GAPDHS: variants seen among roughly 807,000 people sequenced by gnomAD.
The protein encoded by GAPDHS is glyceraldehyde-3-phosphate dehydrogenase, spermatogenic.
GAPDHS carries 42 observed loss-of-function variants against 48.7 expected under a neutral mutation model. The ratio of observed to expected loss-of-function variants is 0.86; its 90% CI spans 0.67 to 1.12. GAPDHS has a LOEUF of 1.12. Ranked by LOEUF, GAPDHS falls within the 50% of genes most tolerant of loss-of-function variation. GAPDHS has a pLI of 0.00. For synonymous variants in GAPDHS, 166 were observed against 219.1 expected (o/e 0.76, Z 2.14); for missense variants, 512 against 557.7 (o/e 0.92, Z 0.82).
At chr19:35,543,189 G>A (rs920965037) in intron 7 of GAPDHS, 151 bp from the exon 8 acceptor site, 6 of 1,073,674 alleles carry the variant, frequency 5.6e-6, no homozygotes, top group Non-Finnish European at 8.5e-6. Context: ...CTCAGGCAAG[G>A]CTGGACCCTG....
At chr19:35,537,724 A>T (rs1474216910) in intron 2 of GAPDHS, among the ~76,000 whole-genome samples, 1 of 152,054 alleles carries the variant, frequency 6.6e-6, no homozygotes, top group Non-Finnish European at 1.5e-5. Context: ...TACAGAAAAA[A>T]ATTGTTTTAA....
Position 35,543,577 on chromosome 19 carries a change from C to G in GAPDHS, c.893+86C>G, listed in dbSNP as rs1789498559. 27 of 1,573,378 alleles carry G rather than the reference C, an allele frequency of 1.7e-5. No homozygotes were observed. The South Asian group carries it at 3.1e-4, about 18-fold the overall frequency. On this transcript the variant is annotated intron_variant, in intron 8 of 10. Coordinates refer to ENST00000222286, the MANE Select transcript of GAPDHS (RefSeq NM_014364.5). ...CGGCCCTCAGTCCTTAAGAGGAAAGCAGGGGCCTGGCCCAGCCACAGGGAA... is the reference window on the plus strand; with the variant it reads ...CGGCCCTCAGTCCTTAAGAGGAAAGGAGGGGCCTGGCCCAGCCACAGGGAA...
intron 10 of GAPDHS, 34 bp downstream of exon 10, chr19:35,545,040 G>C: frequency 6.2e-7 from 1 of 1,602,246 alleles, no homozygotes; most frequent in Non-Finnish European, 8.6e-7. Context: ...TTAGAGGGAG[G>C]GGAACTAAGG....
intron 1 of GAPDHS, among the ~76,000 whole-genome samples, chr19:35,535,731 C>T (rs1262233510): frequency 6.6e-6 from 1 of 151,020 alleles, no homozygotes; most frequent in Non-Finnish European, 1.5e-5. Flanking sequence ...CCATACAGAC[C>T]CACTGAGTCC....
chr19:35,538,223 A>G, intron 2 of GAPDHS, 84 bp from the exon 3 acceptor site: 1 of 914,946 alleles, frequency 1.1e-6, no homozygotes, highest in South Asian at 1.5e-5. Context: ...CCCCTGGATT[A>G]AGGATTCCCA....
intron 4 of GAPDHS, among the ~76,000 whole-genome samples, chr19:35,539,672 T>C (rs1230735804): frequency 1.3e-5 from 2 of 151,940 alleles, no homozygotes; most frequent in African/African-American, 2.4e-5. Flanking sequence ...GCCCTTCTCC[T>C]TGTACTTACT....
In GAPDHS at chr19:35,543,033, T is replaced by G; in HGVS notation, c.741+7T>G. On this transcript the variant is annotated splice_region_variant and intron_variant, in intron 7 of 10. Transcript: ENST00000222286. ...GATCGTGGAAGGGTTGATGGTGAGT[T>G]GAGGATGAGGGGCTGGGGCAGGAAG... 1 of 1,600,710 alleles carries G rather than the reference T, an allele frequency of 6.2e-7. No homozygotes were observed. Among genetic ancestry groups the G allele is most frequent in the Non-Finnish European group, 8.6e-7 (1 of 1,167,842 alleles).
Position 35,542,996 on chromosome 19 carries a change from C to T in GAPDHS, c.711C>T (p.His237=), listed in dbSNP as rs150080896. The change falls in exon 7 of 11, where the codon CAC becomes CAT. Residue 237 remains histidine, a synonymous_variant. Transcript: ENST00000222286. ...NCLAPLAKVI[H]ERFGIVEGLM... ...TGGCTCCCCTCGCCAAAGTCATCCA[C>T]GAGCGATTTGGGATCGTGGAAGGGT... The T allele has an allele frequency of 1.2e-4, 197 of 1,613,892 alleles. No individual in the cohort carries two copies. The African/African-American group carries it at 2.2e-3, about 18-fold the overall frequency.
At chr19:35,539,145 C>T (rs563902575) in intron 4 of GAPDHS, among the ~76,000 whole-genome samples, 1 of 152,346 alleles carries the variant, frequency 6.6e-6, no homozygotes, top group East Asian at 1.9e-4. Context: ...AATCCTCCCA[C>T]CTTGGCCTCC....
At chr19:35,535,332 C>T (rs1478293623) in intron 1 of GAPDHS, among the ~76,000 whole-genome samples, 3 of 152,156 alleles carry the variant, frequency 2.0e-5, no homozygotes, top group Non-Finnish European at 4.4e-5. Context: ...GTATGATACA[C>T]GGTACTCTCT....
At position 35,543,895 on chromosome 19, in the gene GAPDHS, G is replaced by A. The variant is rs1404518564; in HGVS notation, c.1056+68G>A. 3.4e-6 allele frequency: 5 copies of A among 1,475,440 alleles called. No homozygotes were observed. In the East Asian group the frequency reaches 7.4e-5, roughly 22 times the overall value. The allele number at this position is 1,475,440 out of a possible 1,614,324, so 91.4% of individuals were successfully genotyped here. On this transcript the variant is annotated intron_variant, in intron 9 of 10. Coordinates refer to ENST00000222286, the MANE Select transcript of GAPDHS (RefSeq NM_014364.5). The stretch of plus-strand genomic sequence containing the variant: ...AAGGGACATGATTTCCACTTGCCAG[G>A]GAGCTGCTCTCAATGTGCCAAGTCA...
rs760185950 is a variant in GAPDHS at position 35,543,382 on chromosome 19, G to T, written c.784G>T (p.Gly262Trp). The change falls in exon 8 of 11, where the codon GGG (glycine) becomes TGG (tryptophan). Residue 262 changes from glycine (G) to tryptophan (W), a missense_variant. Transcript: ENST00000222286. ...SYTATQKTVD[G>W]PSRKAWRDGR... ...CACGGCCACCCAGAAGACAGTGGAC[G>T]GGCCATCAAGGAAGGCCTGGCGAGA... is the stretch of plus-strand genomic sequence containing the variant. 1 of 1,612,720 alleles carries T rather than the reference G, an allele frequency of 6.2e-7. No individual in the cohort carries two copies. Among genetic ancestry groups the T allele is most frequent in the Non-Finnish European group, 8.5e-7 (1 of 1,179,568 alleles).
intron 2 of GAPDHS, among the ~76,000 whole-genome samples, chr19:35,537,436 G>C (rs892097230): frequency 6.6e-6 from 1 of 152,178 alleles, no homozygotes; most frequent in Non-Finnish European, 1.5e-5. Flanking sequence ...CAGCCAGGAA[G>C]TCAGAGTGGC....
At position 35,538,608 on chromosome 19, in the gene GAPDHS, G is replaced by A. The variant is rs2071481317; in HGVS notation, c.374G>A (p.Gly125Asp). Residue 125 changes from glycine to aspartate, a missense_variant, in exon 4 of 11, where the codon GGC (glycine) becomes GAC (aspartate). Gly to Asp is a moderately conservative substitution (Grantham distance 94, BLOSUM62 -1). Coordinates refer to ENST00000222286, the MANE Select transcript of GAPDHS (RefSeq NM_014364.5). ...ATGTTTAAGTATGACTCCACCCACG[G>A]CCGATACAAGGGAAGTGTGGAATTC... ...VYMFKYDSTH[G>D]RYKGSVEFRN... The A allele has an allele frequency of 1.2e-6, 2 of 1,611,684 alleles. No individual in the cohort carries two copies. Among genetic ancestry groups the A allele is most frequent in the African/African-American group, 1.3e-5 (1 of 74,970 alleles).
In GAPDHS at chr19:35,544,889, T is replaced by C; in HGVS notation, c.1057-20T>C. On this transcript the variant is annotated intron_variant, in intron 9 of 10. Coordinates refer to ENST00000222286, the MANE Select transcript of GAPDHS (RefSeq NM_014364.5). ...CCTTGCTCTGCCGGACACACTTATC[T>C]TTGAAATTCTGACTTCCAGGTCGTC... The C allele has an allele frequency of 3.3e-6, 5 of 1,530,300 alleles. No homozygotes were observed. The highest frequency in any genetic ancestry group is 4.5e-6 in the Non-Finnish European group (5 of 1,103,394). The allele number at this position is 1,530,300 out of a possible 1,614,324, so 94.8% of individuals were successfully genotyped here.
In GAPDHS at chr19:35,542,530, C is replaced by T. The variant is rs754628030; in HGVS notation, c.581C>T (p.Ala194Val). Residue 194 changes from alanine (A) to valine (V), a missense_variant, in exon 6 of 11, where the codon GCG becomes GTG. Physicochemically the swap from Ala to Val is moderately conservative, Grantham distance 64 (BLOSUM62 0). Transcript: ENST00000222286. ...GGTGCTCAACGTGTGGTCATCTCCG[C>T]GCCCTCACCGGATGCACCAATGTTC... Reference protein sequence around the residue: ...SAGAQRVVISAPSPDAPMFVM... With the variant: ...SAGAQRVVISVPSPDAPMFVM... The T allele has an allele frequency of 8.7e-6, 14 of 1,613,842 alleles. No individual in the cohort carries two copies. Among genetic ancestry groups the T allele is most frequent in the African/African-American group, 1.3e-5 (1 of 74,900 alleles).
In GAPDHS at chr19:35,533,564, G is replaced by A. The variant is rs1164604965; in HGVS notation, c.37G>A (p.Val13Ile). ...CGACATCGTCCTCACCAATGTCACC[G>A]TTGTCCAGTTGCTGCGACAGCCGTG... The part of the protein sequence containing the change: ...KRDIVLTNVT[V>I]VQLLRQPCPV... The change falls in exon 1 of 11, where the codon GTT becomes ATT. Residue 13 changes from valine to isoleucine, a missense_variant. Val to Ile is a conservative substitution (Grantham distance 29). Coordinates refer to ENST00000222286, the MANE Select transcript of GAPDHS (RefSeq NM_014364.5). The A allele has an allele frequency of 1.2e-6, 2 of 1,613,136 alleles. No individual in the cohort carries two copies. Among genetic ancestry groups the A allele is most frequent in the Non-Finnish European group, 1.7e-6 (2 of 1,179,750 alleles).
At position 35,545,145 on chromosome 19, in the gene GAPDHS, G is replaced by A; in HGVS notation, c.1202G>A (p.Arg401His). Residue 401 changes from arginine (R) to histidine (H), a missense_variant, in exon 11 of 11, where the codon CGC becomes CAC. By Grantham distance (29) the Arg-to-His change is conservative. Transcript: ENST00000222286. ...GYSHRVVDLL[R>H]YMFSRDK ...AGTCACCGGGTGGTCGACCTCCTCC[G>A]CTACATGTTCAGCCGAGACAAGTGA... The A allele has an allele frequency of 6.2e-7, 1 of 1,613,984 alleles. No individual in the cohort carries two copies.
chr19:35,537,772 A>C (rs1338849010), intron 2 of GAPDHS, among the ~76,000 whole-genome samples: 1 of 152,028 alleles, frequency 6.6e-6, no homozygotes, highest in Non-Finnish European at 1.5e-5. Context: ...TCCAGCTACA[A>C]GGTTAAGAAT....
Sources: gnomAD v4.1 joint callset for allele counts (sites outside exome capture counted in the v4.1 genomes callset) on GRCh38, gnomAD v4.1.1 for gene constraint, MANE v1.5 for transcripts, NCBI Gene and HGNC (gene_info 2026-07-23, HGNC 2026-07-21) for gene names.